NUAK1: variants seen among roughly 807,000 people sequenced by gnomAD.
The protein encoded by NUAK1 is NUAK family kinase 1.
A neutral mutation model predicts 56.9 loss-of-function variants in NUAK1; 26 were observed. The ratio of observed to expected loss-of-function variants is 0.46; its 90% CI spans 0.33 to 0.63. The LOEUF (loss-of-function observed/expected upper bound fraction) is 0.63, where lower values mean the gene tolerates loss of function less well. NUAK1 is among the 30% of genes least tolerant of loss of function. The pLI is 0.02. For synonymous variants in NUAK1, 337 were observed against 336.0 expected, an observed-to-expected ratio of 1.00 and a Z score of -0.03; for missense variants, 727 against 876.1, an observed-to-expected ratio of 0.83 and a Z score of 2.15.
Position 106,083,927 on chromosome 12 carries a change from G to A in NUAK1, c.516C>T (p.Asn172=), listed in dbSNP as rs112658697. The A allele has an allele frequency of 3.4e-5, 55 of 1,613,512 alleles. No homozygotes were observed. Among genetic ancestry groups the A allele is most frequent in the South Asian group, 2.1e-4 (19 of 91,066 alleles). Residue 172 remains asparagine, a splice_region_variant and synonymous_variant, in exon 4 of 7, where the codon AAC becomes AAT. Transcript: ENST00000261402. ...GCTTCAAGTCCCGGTGGACCACACC[G>A]TTCTGAAATGAGAAGACAAAGAGGG... ...IVSAVHYCHK[N]GVVHRDLKLE... is the part of the protein sequence containing the mutation.
Position 106,138,449 on chromosome 12 carries a change from C to T in NUAK1, c.205G>A (p.Val69Ile). 6.2e-7 allele frequency: 1 copy of T among 1,612,966 alleles called. No homozygotes were observed. Among genetic ancestry groups the T allele is most frequent in the Non-Finnish European group, 8.5e-7 (1 of 1,179,686 alleles). Residue 69 changes from valine to isoleucine, a missense_variant, in exon 1 of 7, where the codon GTC becomes ATC. By Grantham distance (29) the Val-to-Ile change is conservative. Transcript: ENST00000261402. The surrounding 1 kb of genome is among the most constrained non-coding windows in gnomAD (Gnocchi z 5.0). ...GAAAACCTCTCGGTGGCCCGCTTGA[C>T]TTTGCCGTAGGTGCCTTTGCCCAGG... ...ETLGKGTYGK[V>I]KRATERFSGR...
chr12:106,125,708 T>C (rs1295054581), intron 1 of NUAK1, among the ~76,000 whole-genome samples: 1 of 152,160 alleles, frequency 6.6e-6, no homozygotes, highest in Non-Finnish European at 1.5e-5. Flanking sequence ...GGATCTCTAC[T>C]ACCTGCTTCA....
At chr12:106,069,083 T>C (rs184432427) in intron 6 of NUAK1, among the ~76,000 whole-genome samples, 1 of 152,282 alleles carries the variant, frequency 6.6e-6, no homozygotes, top group African/African-American at 2.4e-5. Flanking sequence ...GAGAGAGAGA[T>C]AATGCATATC....
At chr12:106,077,241 G>A (rs569512359) in intron 4 of NUAK1, among the ~76,000 whole-genome samples, 8 of 152,304 alleles carry the variant, frequency 5.3e-5, no homozygotes, top group Admixed American at 2.6e-4. Flanking sequence ...TGGCTTTGTC[G>A]TTACTAGGTG....
chr12:106,107,523 A>T (rs770489818), intron 1 of NUAK1, among the ~76,000 whole-genome samples: 39 of 152,238 alleles, frequency 2.6e-4, no homozygotes, highest in South Asian at 1.2e-3. Context: ...TGTGACCTCA[A>T]CTCTCACCTG....
At position 106,069,422 on chromosome 12, in the gene NUAK1, T is replaced by C. The variant is rs111320028; in HGVS notation, c.832+1352A>G. 4.1e-3 allele frequency among the ~76,000 whole-genome samples: 632 copies of C among 152,300 alleles called. 7 individuals are homozygous for C. The highest frequency in any genetic ancestry group is 0.014 in the African/African-American group (588 of 41,566). On this transcript the variant is annotated intron_variant, in intron 6 of 6. Transcript: ENST00000261402. ...TGATTCCTCTTTTTAAATGCCTCCC[T>C]AAAACAGTGCTGAAGCACTGTTCAG...
At position 106,067,287 on chromosome 12, in the gene NUAK1, T is replaced by G; in HGVS notation, c.1501A>C (p.Ile501Leu). The change falls in exon 7 of 7, where the codon ATC (isoleucine) becomes CTC (leucine). Residue 501 changes from isoleucine to leucine, a missense_variant. Physicochemically the swap from Ile to Leu is conservative, Grantham distance 5. Coordinates refer to ENST00000261402, the MANE Select transcript of NUAK1 (RefSeq NM_014840.3). This position sits in a 1 kb window ranked among gnomAD's most constrained non-coding sequence, Gnocchi z 6.0. Reference protein sequence around the residue: ...LDSNDVMGSSIPSPSPPDPAR... With the variant: ...LDSNDVMGSSLPSPSPPDPAR... The stretch of plus-strand genomic sequence containing the variant: ...GGGTCCGGGGGGCTGGGGGAGGGGA[T>G]GCTGCTGCCCATCACATCATTACTG... 6.2e-7 allele frequency: 1 copy of G among 1,614,126 alleles called. No individual in the cohort carries two copies. The highest frequency in any genetic ancestry group is 8.5e-7 in the Non-Finnish European group (1 of 1,180,000).
At chr12:106,093,830 G>A (rs1165898305) in intron 2 of NUAK1, among the ~76,000 whole-genome samples, 5 of 152,328 alleles carry the variant, frequency 3.3e-5, no homozygotes, top group African/African-American at 7.2e-5. Flanking sequence ...ACAGGGTCTT[G>A]CTCTGTCACA....
rs1423285401 is a variant in NUAK1 at position 106,065,896 on chromosome 12, C to T, written c.*906G>A. The T allele has an allele frequency of 6.6e-6, 1 of 152,542 alleles. No homozygotes were observed. The highest frequency in any genetic ancestry group is 1.9e-4 in the East Asian group (1 of 5,182). The allele number at this position is 152,542 out of a possible 1,614,324, so 9.4% of individuals were successfully genotyped here. A position where few individuals can be genotyped will look rare whatever the true frequency, so the allele number is the denominator to read the frequency against. On this transcript the variant is annotated 3_prime_UTR_variant, in exon 7 of 7. Coordinates refer to ENST00000261402, the MANE Select transcript of NUAK1 (RefSeq NM_014840.3). ...GCCCTGTCATATATAATAGTTTTGACCTCTGACACCATCATCTTTCTCCCT... is the reference window on the plus strand; with the variant it reads ...GCCCTGTCATATATAATAGTTTTGATCTCTGACACCATCATCTTTCTCCCT...
chr12:106,103,892 G>A (rs1055813551), intron 2 of NUAK1, among the ~76,000 whole-genome samples: 2 of 152,104 alleles, frequency 1.3e-5, no homozygotes, highest in African/African-American at 4.8e-5. Flanking sequence ...GGGAATGTTT[G>A]CTTCCCCTTC....
At position 106,066,737 on chromosome 12, in the gene NUAK1, G is replaced by C; in HGVS notation, c.*65C>G. On this transcript the variant is annotated 3_prime_UTR_variant, in exon 7 of 7. Transcript: ENST00000261402. ...CAGCCAGCAAAGAGGTAACCAGCCTGTGAGCCCAAGTCTTGCTCCCCTTCC... is the reference window on the plus strand; with the variant it reads ...CAGCCAGCAAAGAGGTAACCAGCCTCTGAGCCCAAGTCTTGCTCCCCTTCC... 5 of 1,308,298 alleles carry C rather than the reference G, an allele frequency of 3.8e-6. No individual in the cohort carries two copies. The highest frequency in any genetic ancestry group is 5.3e-6 in the Non-Finnish European group (5 of 937,310). The allele number at this position is 1,308,298 out of a possible 1,614,324, so 81.0% of individuals were successfully genotyped here. A position where few individuals can be genotyped will look rare whatever the true frequency, so the allele number is the denominator to read the frequency against.
rs1164498526 is a variant in NUAK1 at position 106,065,999 on chromosome 12, C to T, written c.*803G>A. ...AGGTGAACAGCAAGGAGCTAAATCACCATGGGCTGACTCTATGTCCTTAGC... is the reference window on the plus strand; with the variant it reads ...AGGTGAACAGCAAGGAGCTAAATCATCATGGGCTGACTCTATGTCCTTAGC... On this transcript the variant is annotated 3_prime_UTR_variant, in exon 7 of 7. Transcript: ENST00000261402. 6.6e-6 allele frequency: 1 copy of T among 152,250 alleles called. No homozygotes were observed. The highest frequency in any genetic ancestry group is 2.4e-5 in the African/African-American group (1 of 41,452). The allele number at this position is 152,250 out of a possible 1,614,324, so 9.4% of individuals were successfully genotyped here.
chr12:106,081,540 T>C (rs2032518186), intron 4 of NUAK1, among the ~76,000 whole-genome samples: 1 of 152,234 alleles, frequency 6.6e-6, no homozygotes, highest in Non-Finnish European at 1.5e-5. Context: ...CCCTCCATCA[T>C]GCACAGGCAC....
intron 1 of NUAK1, among the ~76,000 whole-genome samples, chr12:106,129,832 T>C (rs1381305328): frequency 6.6e-6 from 1 of 152,192 alleles, no homozygotes; most frequent in Non-Finnish European, 1.5e-5. Context: ...GGATACTTCA[T>C]AGCTGCATTT....
chr12:106,112,607 A>G (rs557315425), intron 1 of NUAK1, among the ~76,000 whole-genome samples: 2 of 152,320 alleles, frequency 1.3e-5, no homozygotes, highest in Admixed American at 6.5e-5. Context: ...ACAACACCCC[A>G]GCAAGTTGCT....
At chr12:106,082,321 A>C (rs1170284680) in intron 4 of NUAK1, among the ~76,000 whole-genome samples, 1 of 152,226 alleles carries the variant, frequency 6.6e-6, no homozygotes, top group Admixed American at 6.5e-5. Context: ...GCAGGGTTGA[A>C]ATATCTAACT....
intron 2 of NUAK1, 48 bp downstream of exon 2, chr12:106,106,357 G>A: frequency 6.5e-7 from 1 of 1,528,582 alleles, no homozygotes; most frequent in Non-Finnish European, 8.9e-7. Context: ...CCCATGGTAT[G>A]AGAAATGGTA....
chr12:106,097,772 G>T (rs901182048), intron 2 of NUAK1, among the ~76,000 whole-genome samples: 1 of 152,192 alleles, frequency 6.6e-6, no homozygotes. Flanking sequence ...TCAGAGACAC[G>T]TGGAGGGCTA....
chr12:106,104,957 CTT>C (rs201749100), intron 2 of NUAK1, among the ~76,000 whole-genome samples: 23 of 141,314 alleles, frequency 1.6e-4, no homozygotes, highest in Non-Finnish European at 1.1e-4. Context: ...GTTCATTTTT[CTT>C]TTTTTTTTTT....
Sources: allele counts gnomAD v4.1 joint callset (sites outside exome capture counted in the v4.1 genomes callset), GRCh38; gene constraint gnomAD v4.1.1; non-coding constraint Gnocchi (gnomAD v3.1); transcripts MANE v1.5; gene names NCBI Gene and HGNC (gene_info 2026-07-23, HGNC 2026-07-21).